Variants in PTPRT observed in about 807,000 individuals in gnomAD.
PTPRT encodes protein tyrosine phosphatase receptor type T.
A neutral mutation model predicts 176.8 loss-of-function variants in PTPRT; 56 were observed. The observed-to-expected ratio is 0.32, with a 90% CI of 0.26 to 0.40. The LOEUF (loss-of-function observed/expected upper bound fraction) is 0.40. Among genes scored for constraint, PTPRT ranks in the 10% least tolerant of loss-of-function variants. PTPRT has a pLI of 1.00. For synonymous variants in PTPRT, 783 were observed against 739.0 expected (o/e 1.06, Z -0.96); for missense variants, 1,540 against 1,908.2 (o/e 0.81, Z 3.60).
the PTPRT span, among the ~76,000 whole-genome samples, chr20:42,059,510 A>G: frequency 6.6e-6 from 1 of 152,214 alleles, no homozygotes; most frequent in East Asian, 1.9e-4. Flanking sequence ...ATGTTGAATC[A>G]TATGAAATTG....
At chr20:42,941,935 C>G (rs1040117502) in intron 1 of PTPRT, among the ~76,000 whole-genome samples, 2 of 151,896 alleles carry the variant, frequency 1.3e-5, no homozygotes, top group Non-Finnish European at 2.9e-5. Flanking sequence ...ATAAAAGAGG[C>G]CACATCAAAG....
chr20:42,615,559 T>C (rs1436816326), intron 7 of PTPRT, among the ~76,000 whole-genome samples: 3 of 137,894 alleles, frequency 2.2e-5, no homozygotes, highest in African/African-American at 9.5e-5. Context: ...ACCAACAGTG[T>C]AAAAGTGTTC....
intron 2 of PTPRT, among the ~76,000 whole-genome samples, chr20:42,845,178 A>G (rs936999229): frequency 1.1e-4 from 17 of 152,168 alleles, no homozygotes; most frequent in Non-Finnish European, 2.2e-4. Flanking sequence ...CGGAGCAGTC[A>G]GACCAGTGCC....
At chr20:42,351,976 T>C in intron 10 of PTPRT, 108 bp downstream of exon 10, 1 of 1,040,002 alleles carries the variant, frequency 9.6e-7, no homozygotes, top group Non-Finnish European at 1.5e-6. Context: ...TCGTCCTAAT[T>C]CCACCCATAT....
At chr20:43,111,521 G>A (rs1409894462) in intron 1 of PTPRT, among the ~76,000 whole-genome samples, 1 of 149,300 alleles carries the variant, frequency 6.7e-6, no homozygotes, top group African/African-American at 2.5e-5. Flanking sequence ...TCTAGCCTGG[G>A]GGACAGAGCG....
chr20:42,363,105 G>GAAAAAAAAAA (rs71193658), intron 9 of PTPRT, among the ~76,000 whole-genome samples: 1 of 47,208 alleles, frequency 2.1e-5, no homozygotes, highest in Admixed American at 4.0e-4. Context: ...CTCCATTTCA[G>GAAAAAAAAAA]AAAAAAAAAA....
intron 17 of PTPRT, among the ~76,000 whole-genome samples, chr20:42,160,905 C>T (rs192664667): frequency 4.3e-4 from 65 of 152,176 alleles, no homozygotes; most frequent in Non-Finnish European, 1.2e-4. Flanking sequence ...GAGTATGAGA[C>T]AAGAGGTGAC....
intron 11 of PTPRT, among the ~76,000 whole-genome samples, chr20:42,340,269 G>A (rs1197815695): frequency 1.3e-5 from 2 of 152,242 alleles, no homozygotes; most frequent in Middle Eastern, 3.4e-3. Flanking sequence ...TCTAGCCCTC[G>A]ATTCTTGCAG....
intron 1 of PTPRT, among the ~76,000 whole-genome samples, chr20:43,015,219 G>A (rs1429403035): frequency 1.3e-5 from 2 of 152,190 alleles, no homozygotes; most frequent in African/African-American, 4.8e-5. Flanking sequence ...GAATCAGATA[G>A]ACCAGAGTTC....
chr20:42,664,020 C>T (rs1333616911), intron 7 of PTPRT, among the ~76,000 whole-genome samples: 6 of 152,334 alleles, frequency 3.9e-5, no homozygotes, highest in Middle Eastern at 6.8e-3. Flanking sequence ...TACCAGTTAA[C>T]TTACCTGCAG....
At chr20:42,772,237 GTC>G (rs2077073498) in intron 4 of PTPRT, among the ~76,000 whole-genome samples, 1 of 152,220 alleles carries the variant, frequency 6.6e-6, no homozygotes. Flanking sequence ...CACATGCAGT[GTC>G]TCTCTGCAGT....
intron 11 of PTPRT, among the ~76,000 whole-genome samples, chr20:42,335,457 G>A (rs918627554): frequency 6.6e-6 from 1 of 151,978 alleles, no homozygotes; most frequent in African/African-American, 2.4e-5. Flanking sequence ...GACTCTAGAA[G>A]AAACAGAGAT....
At chr20:42,489,428 A>C (rs1215081343) in intron 7 of PTPRT, among the ~76,000 whole-genome samples, 1 of 151,994 alleles carries the variant, frequency 6.6e-6, no homozygotes, top group Non-Finnish European at 1.5e-5. Flanking sequence ...CACACTAGCG[A>C]GAGAGAGATT....
chr20:42,672,570 C>T (rs912846403), intron 7 of PTPRT, among the ~76,000 whole-genome samples: 6 of 152,196 alleles, frequency 3.9e-5, no homozygotes, highest in Non-Finnish European at 7.3e-5. Context: ...CTTTGACTCC[C>T]TACTCCCAAC....
chr20:42,790,154 T>G (rs208247), intron 3 of PTPRT, among the ~76,000 whole-genome samples: 2 of 151,908 alleles, frequency 1.3e-5, no homozygotes, highest in Admixed American at 6.5e-5. Context: ...TAGGTTTTCT[T>G]AAGTCATGGG....
chr20:42,838,894 A>G (rs931955960), intron 2 of PTPRT, among the ~76,000 whole-genome samples: 1 of 151,952 alleles, frequency 6.6e-6, no homozygotes, highest in African/African-American at 2.4e-5. Flanking sequence ...CCCCCTTTAT[A>G]TAGGAACCTG....
intron 7 of PTPRT, among the ~76,000 whole-genome samples, chr20:42,544,548 T>C (rs763223073): frequency 6.6e-5 from 10 of 152,170 alleles, no homozygotes; most frequent in Non-Finnish European, 1.0e-4. Context: ...TTCACTCCTG[T>C]TGTCTGGAGC....
At chr20:42,999,607 GTTTTT>G (rs758925660) in intron 1 of PTPRT, among the ~76,000 whole-genome samples, 52 of 139,386 alleles carry the variant, frequency 3.7e-4, no homozygotes, top group Non-Finnish European at 5.4e-4. Flanking sequence ...AAAACTTGTG[GTTTTT>G]TTTTTGTTGT....
intron 7 of PTPRT, among the ~76,000 whole-genome samples, chr20:42,673,547 G>A (rs959893927): frequency 2.0e-5 from 3 of 152,056 alleles, no homozygotes; most frequent in African/African-American, 7.2e-5. Flanking sequence ...TAGTTCTGAG[G>A]GCTGGAAAGT....
Sources: allele counts gnomAD v4.1 joint callset (sites outside exome capture counted in the v4.1 genomes callset), GRCh38; gene constraint gnomAD v4.1.1; transcripts MANE v1.5; gene names NCBI Gene and HGNC (gene_info 2026-07-23, HGNC 2026-07-21).